Variants in DPP10 observed in about 807,000 individuals in gnomAD.
The protein encoded by DPP10 is dipeptidyl peptidase like 10, also known as inactive dipeptidyl peptidase 10.
In DPP10, 33 loss-of-function variants were observed where a neutral mutation model predicts 120.9. That is an observed-to-expected ratio of 0.27 (90% CI 0.21 to 0.37). The LOEUF is 0.37. DPP10 is among the 10% of genes least tolerant of loss of function. The pLI is 1.00. For missense variants in DPP10, 816 were observed against 942.8 expected (o/e 0.87, Z 1.76); for synonymous variants, 337 against 326.1 (o/e 1.03, Z -0.36).
intron 1 of DPP10, among the ~76,000 whole-genome samples, chr2:115,094,328 T>G (rs1356849728): frequency 6.6e-6 from 1 of 152,158 alleles, no homozygotes; most frequent in South Asian, 2.1e-4. Context: ...GTTTCTAGTG[T>G]GAATTGTCTG....
At chr2:114,590,371 A>C (rs1046192396) in intron 1 of DPP10, among the ~76,000 whole-genome samples, 2 of 152,180 alleles carry the variant, frequency 1.3e-5, no homozygotes, top group Non-Finnish European at 2.9e-5. Flanking sequence ...TATGAATCAG[A>C]TCTTCACTCA....
At chr2:115,220,432 G>A (rs1052701672) in intron 1 of DPP10, among the ~76,000 whole-genome samples, 3 of 151,904 alleles carry the variant, frequency 2.0e-5, no homozygotes, top group Middle Eastern at 3.2e-3. Flanking sequence ...TAAATTCAGG[G>A]TCAGCATGGT....
intron 1 of DPP10, among the ~76,000 whole-genome samples, chr2:114,543,407 C>T (rs1387466993): frequency 2.0e-5 from 3 of 152,196 alleles, no homozygotes; most frequent in Non-Finnish European, 4.4e-5. Context: ...TAGGAAATAG[C>T]AAGAGGGAAG....
intron 1 of DPP10, among the ~76,000 whole-genome samples, chr2:115,017,818 C>A (rs1364780661): frequency 6.7e-6 from 1 of 149,364 alleles, no homozygotes; most frequent in Non-Finnish European, 1.5e-5. Context: ...AACACTTGGA[C>A]ACAGGTAGGG....
At chr2:115,342,167 T>A (rs1338461750) in intron 2 of DPP10, 1 of 455,172 alleles carries the variant, frequency 2.2e-6, no homozygotes, top group South Asian at 1.6e-5. Context: ...TCTATCCTTA[T>A]ACTGACATCT....
chr2:114,926,641 T>A (rs1007083008), intron 1 of DPP10, among the ~76,000 whole-genome samples: 32 of 152,106 alleles, frequency 2.1e-4, no homozygotes, highest in African/African-American at 7.5e-4. Flanking sequence ...ACTTTCCCCC[T>A]CTGGGAGAGA....
intron 3 of DPP10, among the ~76,000 whole-genome samples, chr2:115,486,141 A>T (rs1351152413): frequency 2.6e-5 from 4 of 152,144 alleles, no homozygotes; most frequent in Non-Finnish European, 1.5e-5. Flanking sequence ...AAAATATAAA[A>T]AATTATTGTC....
chr2:114,981,562 T>C (rs897689020), intron 1 of DPP10, among the ~76,000 whole-genome samples: 7 of 152,094 alleles, frequency 4.6e-5, no homozygotes, highest in Non-Finnish European at 8.8e-5. Flanking sequence ...AGTGGCTAAG[T>C]GAGACCCCTT....
intron 5 of DPP10, among the ~76,000 whole-genome samples, chr2:115,624,077 G>A (rs538662966): frequency 6.6e-6 from 1 of 152,192 alleles, no homozygotes; most frequent in East Asian, 1.9e-4. Context: ...TTGAAGTTTA[G>A]TTTGTCCTTT....
At chr2:114,996,003 A>T (rs1183628878) in intron 1 of DPP10, among the ~76,000 whole-genome samples, 1 of 152,202 alleles carries the variant, frequency 6.6e-6, no homozygotes, top group African/African-American at 2.4e-5. Flanking sequence ...GAATTCTAGG[A>T]TTCAGCATAT....
intron 1 of DPP10, among the ~76,000 whole-genome samples, chr2:114,619,644 C>T (rs775300869): frequency 2.6e-5 from 4 of 151,950 alleles, no homozygotes; most frequent in African/African-American, 4.8e-5. Context: ...TTAAAATAAG[C>T]ATTGATGGCA....
intron 1 of DPP10, among the ~76,000 whole-genome samples, chr2:115,279,655 CTTTTTTTTT>C (rs70941039): frequency 9.0e-3 from 384 of 42,708 alleles, no homozygotes; most frequent in Admixed American, 0.014. Context: ...TTTTCTTCTT[CTTTTTTTTT>C]TTTTTTTTTT....
intron 1 of DPP10, among the ~76,000 whole-genome samples, chr2:114,793,694 C>T (rs1431271818): frequency 1.3e-5 from 2 of 152,094 alleles, no homozygotes; most frequent in Admixed American, 1.3e-4. Flanking sequence ...CTTTGGCCAT[C>T]GGCAAATTAG....
chr2:115,560,567 A>T (rs1160026865), intron 5 of DPP10, among the ~76,000 whole-genome samples: 1 of 146,516 alleles, frequency 6.8e-6, no homozygotes, highest in Non-Finnish European at 1.5e-5. Context: ...TATTCCCCCC[A>T]CCCCCGACCT....
chr2:115,667,886 T>C (rs2089582229), intron 5 of DPP10, among the ~76,000 whole-genome samples: 1 of 152,084 alleles, frequency 6.6e-6, no homozygotes, highest in African/African-American at 2.4e-5. Flanking sequence ...ATCATGCATA[T>C]GTCCCAACTT....
chr2:115,482,199 A>T (rs954842840), intron 3 of DPP10, among the ~76,000 whole-genome samples: 1 of 152,036 alleles, frequency 6.6e-6, no homozygotes, highest in African/African-American at 2.4e-5. Context: ...ATATAAAATC[A>T]TATAGCATAA....
chr2:115,727,993 C>G (rs1226102312), intron 8 of DPP10, 57 bp downstream of exon 8: 1 of 1,545,868 alleles, frequency 6.5e-7, no homozygotes, highest in African/African-American at 1.4e-5. Flanking sequence ...TATACAAAAT[C>G]TACCAAAAAA....
At chr2:114,766,930 CGA>C (rs912446986) in intron 1 of DPP10, among the ~76,000 whole-genome samples, 16 of 150,424 alleles carry the variant, frequency 1.1e-4, no homozygotes, top group South Asian at 1.1e-3. Context: ...CATACACACA[CGA>C]GAGAGAGAGA....
At chr2:115,758,904 ACTCAT>A (rs1047617616) in intron 11 of DPP10, among the ~76,000 whole-genome samples, 2 of 152,156 alleles carry the variant, frequency 1.3e-5, no homozygotes, top group Admixed American at 1.3e-4. Context: ...ATGTTTGACA[ACTCAT>A]ATCATATTCT....
Sources: allele counts gnomAD v4.1 joint callset (sites outside exome capture counted in the v4.1 genomes callset), GRCh38; gene constraint gnomAD v4.1.1; transcripts MANE v1.5; gene names NCBI Gene and HGNC (gene_info 2026-07-23, HGNC 2026-07-21).